The following KIAA0319 variants were observed in gnomAD, a reference collection of about 807,000 sequenced individuals.
KIAA0319 encodes KIAA0319, also known as dyslexia-associated protein KIAA0319.
KIAA0319 carries 83 observed loss-of-function variants against 108.4 expected under a neutral mutation model. The observed-to-expected ratio is 0.77, with a 90% CI of 0.64 to 0.92. The LOEUF (loss-of-function observed/expected upper bound fraction) is 0.92. Ranked by LOEUF, KIAA0319 falls within the 40% of genes least tolerant of loss-of-function variation. The pLI is 0.00. For missense variants in KIAA0319, 1,195 were observed against 1,322.4 expected, an observed-to-expected ratio of 0.90 and a Z score of 1.49; for synonymous variants, 484 against 510.4, an observed-to-expected ratio of 0.95 and a Z score of 0.70.
At chr6:24,564,144 A>G (rs1379738823) in intron 15 of KIAA0319, 58 bp downstream of exon 15, 1 of 1,606,238 alleles carries the variant, frequency 6.2e-7, no homozygotes, top group East Asian at 2.2e-5. Context: ...CAGCGTAAAG[A>G]CCCCAAAGGC....
At chr6:24,634,098 A>T (rs535982533) in intron 1 of KIAA0319, among the ~76,000 whole-genome samples, 2 of 152,360 alleles carry the variant, frequency 1.3e-5, no homozygotes, top group African/African-American at 4.8e-5. Context: ...AGTTCCACAG[A>T]GTAAAAAGTA....
intron 1 of KIAA0319, among the ~76,000 whole-genome samples, chr6:24,603,450 T>C (rs1233750184): frequency 6.6e-6 from 1 of 152,202 alleles, no homozygotes; most frequent in East Asian, 1.9e-4. Context: ...GGTGTCAGAA[T>C]CCCACTGTGA....
chr6:24,618,618 A>AC lies in KIAA0319; in HGVS notation c.-105-17411dup, dbSNP rs1773486077. On this transcript the variant is annotated intron_variant, in intron 1 of 20. Transcript: ENST00000378214. ...AGACCCTGTCTCAAAAGAACAAAAC[A>AC]CCCCCAAACAACAACAACAACAAAA... 3.3e-5 allele frequency among the ~76,000 whole-genome samples: 5 copies of AC among 152,012 alleles called. No homozygotes were observed. The East Asian group carries it at 5.8e-4, about 18-fold the overall frequency.
At chr6:24,557,842 C>G (rs1249156666) in intron 17 of KIAA0319, among the ~76,000 whole-genome samples, 1 of 151,946 alleles carries the variant, frequency 6.6e-6, no homozygotes, top group East Asian at 1.9e-4. Context: ...GACATCCTCC[C>G]TCCTCAGCCT....
At chr6:24,614,684 A>T (rs906864303) in intron 1 of KIAA0319, among the ~76,000 whole-genome samples, 4 of 152,136 alleles carry the variant, frequency 2.6e-5, no homozygotes, top group Non-Finnish European at 5.9e-5. Context: ...TTCTTTCCCT[A>T]TGCTATGCTG....
chr6:24,590,723 G>C (rs1029618738), intron 3 of KIAA0319, among the ~76,000 whole-genome samples: 1 of 152,328 alleles, frequency 6.6e-6, no homozygotes, highest in East Asian at 1.9e-4. Context: ...GGCTGAAGGG[G>C]AAGAAACCTC....
intron 1 of KIAA0319, among the ~76,000 whole-genome samples, chr6:24,639,588 G>A (rs1221143245): frequency 9.2e-5 from 14 of 152,126 alleles, no homozygotes; most frequent in East Asian, 3.9e-4. Flanking sequence ...GGTGGCTCAC[G>A]CCTGTAATCC....
At position 24,571,581 on chromosome 6, in the gene KIAA0319, A is replaced by T. The variant is rs555621883; in HGVS notation, c.1858+994T>A. ...GGCTCTCTTGGGGTCATCTATTGTC[A>T]TTCCAATCCCTGCCCAACCTCCCCA... On this transcript the variant is annotated intron_variant, in intron 11 of 20. Transcript: ENST00000378214. Among the ~76,000 whole-genome samples the T allele has an allele frequency of 7.2e-5, 11 of 152,080 alleles. 1 individual carries two copies. The highest frequency in any genetic ancestry group is 4.2e-4 in the South Asian group (2 of 4,816).
chr6:24,596,283 C>A lies in KIAA0319; in HGVS notation c.391G>T (p.Gly131Trp). 6.2e-7 allele frequency: 1 copy of A among 1,614,204 alleles called. No individual in the cohort carries two copies. The highest frequency in any genetic ancestry group is 8.5e-7 in the Non-Finnish European group (1 of 1,180,006). The part of the protein sequence containing the change: ...LNRGSPSGIW[G>W]DSPEDIRKDL... ...TTTCTGATATCCTCAGGTGAGTCCC[C>A]CCAGATCCCCGAGGGGGAGCCCCTG... is the stretch of plus-strand genomic sequence containing the variant. Residue 131 changes from glycine to tryptophan, a missense_variant, in exon 3 of 21, where the codon GGG becomes TGG. Transcript: ENST00000378214.
Position 24,581,087 on chromosome 6 carries a change from T to C in KIAA0319, c.1192-74A>G. 5 of 927,950 alleles carry C rather than the reference T, an allele frequency of 5.4e-6. No individual in the cohort carries two copies. In the Middle Eastern group the frequency reaches 6.4e-4, roughly 118 times the overall value. The allele number at this position is 927,950 out of a possible 1,614,324, so 57.5% of individuals were successfully genotyped here. A position where few individuals can be genotyped will look rare whatever the true frequency, so the allele number is the denominator to read the frequency against. ...GTCCACTACGTAGAAAAAGCTAAAA[T>C]GTCCCAGAAGCCGCACTCCTAAAGT... is the stretch of plus-strand genomic sequence containing the variant. On this transcript the variant is annotated intron_variant, in intron 6 of 20. Coordinates refer to ENST00000378214, the MANE Select transcript of KIAA0319 (RefSeq NM_014809.4).
intron 1 of KIAA0319, among the ~76,000 whole-genome samples, chr6:24,623,820 G>A (rs1289522891): frequency 2.6e-5 from 4 of 152,052 alleles, no homozygotes; most frequent in Non-Finnish European, 5.9e-5. Flanking sequence ...AATATTTGAG[G>A]TGAGAGGTGA....
At chr6:24,577,418 C>A (rs1582026731) in intron 9 of KIAA0319, among the ~76,000 whole-genome samples, 1 of 152,326 alleles carries the variant, frequency 6.6e-6, no homozygotes, top group East Asian at 1.9e-4. Context: ...CAAATGCGAA[C>A]CAATGCTCAA....
chr6:24,601,025 A>ATC (rs1205734312), intron 2 of KIAA0319, 24 bp downstream of exon 2: 6 of 1,613,892 alleles, frequency 3.7e-6, no homozygotes, highest in African/African-American at 1.3e-5. Flanking sequence ...CAACACGGGT[A>ATC]TCTCCAGGGT....
intron 1 of KIAA0319, among the ~76,000 whole-genome samples, chr6:24,642,328 T>C (rs7741572): frequency 0.61 from 93,210 of 151,864 alleles, 29,184 homozygotes; most frequent in East Asian, 0.87. Flanking sequence ...AAGGGTTATT[T>C]TGAAAAAATT....
At chr6:24,622,646 T>A (rs745774279) in intron 1 of KIAA0319, among the ~76,000 whole-genome samples, 14 of 152,212 alleles carry the variant, frequency 9.2e-5, no homozygotes, top group Non-Finnish European at 1.9e-4. Flanking sequence ...AGGCCCAGGA[T>A]CTGTTCTTCG....
Position 24,597,917 on chromosome 6 carries a change from C to CAAAAAAAAAAAAAAAAAAAAAAAAAA in KIAA0319, c.56-1325_56-1300dup, listed in dbSNP as rs540860751. 2 of 32,434 alleles carry CAAAAAAAAAAAAAAAAAAAAAAAAAA rather than the reference C, an allele frequency of 6.2e-5. 1 individual carries two copies. Among genetic ancestry groups the CAAAAAAAAAAAAAAAAAAAAAAAAAA allele is most frequent in the Non-Finnish European group, 1.3e-4 (2 of 15,628 alleles). 2.0% of individuals were successfully genotyped at this position (32,434 alleles called of 1,614,324 possible). A position where few individuals can be genotyped will look rare whatever the true frequency, so the allele number is the denominator to read the frequency against. ...TGGGTGACAGAGCAAGACCCTATCT[C>CAAAAAAAAAAAAAAAAAAAAAAAAAA]AAAAAAAAAAAAAAAAAAAAAAAAA... On this transcript the variant is annotated intron_variant, in intron 2 of 20. Coordinates refer to ENST00000378214, the MANE Select transcript of KIAA0319 (RefSeq NM_014809.4).
chr6:24,549,512 G>A (rs1326638395), intron 20 of KIAA0319, among the ~76,000 whole-genome samples: 1 of 152,024 alleles, frequency 6.6e-6, no homozygotes, highest in African/African-American at 2.4e-5. Flanking sequence ...GTGGCATTTT[G>A]TTAGAGCAGC....
chr6:24,576,542 T>C lies in KIAA0319; in HGVS notation c.1560A>G (p.Ile520Met), dbSNP rs1388514080. The change falls in exon 10 of 21, where the codon ATA becomes ATG. Residue 520 changes from isoleucine (I) to methionine (M), a missense_variant. Ile to Met is a conservative substitution (Grantham distance 10, BLOSUM62 1). Coordinates refer to ENST00000378214, the MANE Select transcript of KIAA0319 (RefSeq NM_014809.4). ...GATNSTTAAL[I>M]VNNAVDYPPV... ...GTGGGTAGTCCACAGCATTGTTCAC[T>C]ATTAGGGCTGCAGTTGTAGAGTTAG... is the stretch of plus-strand genomic sequence containing the variant. 1 of 1,614,192 alleles carries C rather than the reference T, an allele frequency of 6.2e-7. No individual in the cohort carries two copies. Among genetic ancestry groups the C allele is most frequent in the South Asian group, 1.1e-5 (1 of 91,090 alleles).
rs1161807467 is a variant in KIAA0319 at position 24,599,465 on chromosome 6, G to A, written c.55+1584C>T. On this transcript the variant is annotated intron_variant, in intron 2 of 20. Coordinates refer to ENST00000378214, the MANE Select transcript of KIAA0319 (RefSeq NM_014809.4). This position sits in a 1 kb window ranked among gnomAD's most constrained non-coding sequence, Gnocchi z 4.1. ...CCATGCAGGACATGGCATGGCAGCT[G>A]CATGAGTACCAGGAGCTGATGATCA... The A allele has an allele frequency of 1.8e-6, 1 of 556,102 alleles. No individual in the cohort carries two copies. Among genetic ancestry groups the A allele is most frequent in the Admixed American group, 2.0e-5 (1 of 49,576 alleles). 34.4% of individuals were successfully genotyped at this position (556,102 alleles called of 1,614,324 possible). A position where few individuals can be genotyped will look rare whatever the true frequency, so the allele number is the denominator to read the frequency against.
Sources: gnomAD v4.1 joint callset for allele counts (sites outside exome capture counted in the v4.1 genomes callset) on GRCh38, gnomAD v4.1.1 for gene constraint, Gnocchi (gnomAD v3.1) non-coding constraint, MANE v1.5 for transcripts, NCBI Gene and HGNC (gene_info 2026-07-23, HGNC 2026-07-21) for gene names.